CACNB4: variants seen among roughly 807,000 people sequenced by gnomAD.
The protein encoded by CACNB4 is calcium voltage-gated channel auxiliary subunit beta 4, also known as voltage-dependent L-type calcium channel subunit beta-4.
CACNB4 carries 32 observed loss-of-function variants against 71.2 expected under a neutral mutation model. The observed-to-expected ratio is 0.45, with a 90% CI of 0.34 to 0.60. The LOEUF (loss-of-function observed/expected upper bound fraction) is 0.60, where lower values mean the gene tolerates loss of function less well. CACNB4 is among the 20% of genes least tolerant of loss of function. CACNB4 has a pLI of 0.01. For synonymous variants in CACNB4, 231 were observed against 236.9 expected (o/e 0.97, Z 0.23); for missense variants, 464 against 647.9 (o/e 0.72, Z 3.08).
chr2:151,998,766 A>G (rs1682221067), intron 2 of CACNB4, among the ~76,000 whole-genome samples: 1 of 152,010 alleles, frequency 6.6e-6, no homozygotes, highest in African/African-American at 2.4e-5. Context: ...CAGAAAATCT[A>G]TTTTCACAGT....
At chr2:151,963,680 T>C (rs1357366246) in intron 2 of CACNB4, among the ~76,000 whole-genome samples, 1 of 152,222 alleles carries the variant, frequency 6.6e-6, no homozygotes, top group African/African-American at 2.4e-5. Context: ...CCAATATATA[T>C]ACGTCTTAAA....
At chr2:152,003,609 C>G (rs1425039798) in intron 2 of CACNB4, among the ~76,000 whole-genome samples, 1 of 152,150 alleles carries the variant, frequency 6.6e-6, no homozygotes, top group African/African-American at 2.4e-5. Context: ...CCTCCTCCCC[C>G]TTCTCTGCTC....
At chr2:152,016,999 T>TTTAACCCAGGTGTTGC (rs1683384071) in intron 2 of CACNB4, among the ~76,000 whole-genome samples, 1 of 139,122 alleles carries the variant, frequency 7.2e-6, no homozygotes, top group East Asian at 1.9e-4. Flanking sequence ...GAACTGCAAG[T>TTTAACCCAGGTGTTGC]TTAACCCAGG....
At chr2:152,028,250 A>T (rs539907450) in intron 2 of CACNB4, among the ~76,000 whole-genome samples, 2 of 152,346 alleles carry the variant, frequency 1.3e-5, no homozygotes, top group East Asian at 3.9e-4. Context: ...GTTCATGATT[A>T]CTGCCATCTC....
intron 9 of CACNB4, chr2:151,868,855 T>G (rs914224412): frequency 3.8e-5 from 6 of 159,124 alleles, no homozygotes; most frequent in African/African-American, 1.4e-4. Flanking sequence ...ACTATACTCA[T>G]GAGAAATATT....
chr2:151,941,532 T>G (rs2099864252), intron 2 of CACNB4, among the ~76,000 whole-genome samples: 1 of 151,922 alleles, frequency 6.6e-6, no homozygotes, highest in Admixed American at 6.6e-5. Context: ...TCCGCCTACC[T>G]CAGCCTCCCA....
At chr2:152,096,116 C>T (rs562573000) in intron 2 of CACNB4, among the ~76,000 whole-genome samples, 2 of 152,196 alleles carry the variant, frequency 1.3e-5, no homozygotes, top group South Asian at 4.1e-4. Flanking sequence ...TTATTGTAGC[C>T]AATACAGAAG....
chr2:151,914,817 A>G (rs1251788103), intron 2 of CACNB4, among the ~76,000 whole-genome samples: 1 of 152,136 alleles, frequency 6.6e-6, no homozygotes, highest in Admixed American at 6.5e-5. Context: ...GATGTCACTC[A>G]AGGAGGCTGG....
chr2:151,856,299 G>T (rs1207104800), intron 10 of CACNB4, among the ~76,000 whole-genome samples: 1 of 151,950 alleles, frequency 6.6e-6, no homozygotes, highest in African/African-American at 2.4e-5. Context: ...GATTTTCAGA[G>T]AAATTGATTT....
intron 2 of CACNB4, among the ~76,000 whole-genome samples, chr2:152,050,483 C>T (rs549376422): frequency 6.6e-5 from 10 of 152,258 alleles, no homozygotes; most frequent in African/African-American, 2.4e-4. Context: ...AAGTTAAAGT[C>T]GTTCAGACCA....
At chr2:152,008,236 A>G (rs1234403373) in intron 2 of CACNB4, among the ~76,000 whole-genome samples, 2 of 150,898 alleles carry the variant, frequency 1.3e-5, no homozygotes, top group Non-Finnish European at 3.0e-5. Context: ...TCTACTGTCT[A>G]TTGTCTTCAT....
chr2:151,941,407 G>A (rs745686011), intron 2 of CACNB4, among the ~76,000 whole-genome samples: 5 of 150,768 alleles, frequency 3.3e-5, no homozygotes, highest in Admixed American at 1.3e-4. Flanking sequence ...TCAGCAACCC[G>A]AGTAGCTGGG....
chr2:152,027,828 G>A (rs894936682), intron 2 of CACNB4, among the ~76,000 whole-genome samples: 13 of 137,312 alleles, frequency 9.5e-5, no homozygotes, highest in African/African-American at 2.5e-4. Context: ...ACTCCAGCCC[G>A]GGCGACAGAG....
Position 152,079,537 on chromosome 2 carries a change from G to T in CACNB4, c.147+18793C>A, listed in dbSNP as rs927209048. Among the ~76,000 whole-genome samples the T allele has an allele frequency of 3.3e-5, 5 of 152,198 alleles. No homozygotes were observed. The East Asian group carries it at 9.7e-4, about 29-fold the overall frequency. ...ATGGTGGCACACACCTGTAATCCCA[G>T]CACTTTAAGAGGCCAAGGCAGCGGG... is the stretch of plus-strand genomic sequence containing the variant. On this transcript the variant is annotated intron_variant, in intron 2 of 13. Coordinates refer to ENST00000539935, the MANE Select transcript of CACNB4 (RefSeq NM_000726.5).
chr2:151,983,888 A>T (rs2099875164), intron 2 of CACNB4, among the ~76,000 whole-genome samples: 1 of 152,206 alleles, frequency 6.6e-6, no homozygotes, highest in Non-Finnish European at 1.5e-5. Context: ...TGGGAGAGCA[A>T]GCTATAAATA....
chr2:151,912,657 G>A (rs1277966459), intron 2 of CACNB4, among the ~76,000 whole-genome samples: 1 of 152,194 alleles, frequency 6.6e-6, no homozygotes, highest in Non-Finnish European at 1.5e-5. Flanking sequence ...TTGGAGTAGA[G>A]AGTTCTGTAG....
At chr2:151,930,433 A>G (rs140321285) in intron 2 of CACNB4, among the ~76,000 whole-genome samples, 1 of 152,338 alleles carries the variant, frequency 6.6e-6, no homozygotes, top group African/African-American at 2.4e-5. Flanking sequence ...GTATTAAAGC[A>G]TGATCCAAAT....
intron 2 of CACNB4, among the ~76,000 whole-genome samples, chr2:152,095,835 G>A (rs949514282): frequency 1.3e-5 from 2 of 151,994 alleles, no homozygotes; most frequent in African/African-American, 4.8e-5. Context: ...TGTATTTTTA[G>A]TACAGTCGGG....
chr2:151,996,967 G>A (rs560251494), intron 2 of CACNB4, among the ~76,000 whole-genome samples: 3 of 152,288 alleles, frequency 2.0e-5, no homozygotes, highest in Admixed American at 2.0e-4. Flanking sequence ...TAGGGATGAG[G>A]TGTTCCAATG....
Sources: allele counts gnomAD v4.1 joint callset (sites outside exome capture counted in the v4.1 genomes callset), GRCh38; gene constraint gnomAD v4.1.1; transcripts MANE v1.5; gene names NCBI Gene and HGNC (gene_info 2026-07-23, HGNC 2026-07-21).